JADE1: variants seen among roughly 807,000 people sequenced by gnomAD.
JADE1 encodes the protein protein Jade-1.
Under a neutral mutation model 81.8 loss-of-function variants are expected in JADE1, and 14 were observed. That is an observed-to-expected ratio of 0.17 (90% CI 0.11 to 0.27). The LOEUF (loss-of-function observed/expected upper bound fraction) is 0.27, where lower values mean the gene tolerates loss of function less well. JADE1 is among the 10% of genes least tolerant of loss of function. JADE1 has a pLI of 1.00. For missense variants in JADE1, 690 were observed against 1,047.9 expected (o/e 0.66, Z 4.71); for synonymous variants, 353 against 391.9 (o/e 0.90, Z 1.17).
chr4:128,810,285 T>G (rs1726224127), intron 1 of JADE1: 1 of 151,472 alleles, frequency 6.6e-6, no homozygotes, highest in African/African-American at 2.4e-5. Context: ...TGATCTATGT[T>G]GGATCAGTAA....
At chr4:128,821,285 A>C (rs966810934) in intron 1 of JADE1, among the ~76,000 whole-genome samples, 38 of 152,180 alleles carry the variant, frequency 2.5e-4, no homozygotes, top group African/African-American at 8.9e-4. Flanking sequence ...AATGGGCTTT[A>C]TCTCTCTTGG....
At chr4:128,843,288 A>G (rs1051199280) in intron 3 of JADE1, among the ~76,000 whole-genome samples, 5 of 152,240 alleles carry the variant, frequency 3.3e-5, no homozygotes, top group Admixed American at 3.3e-4. Flanking sequence ...AGTGCTCAGT[A>G]AATGTTAGTT....
chr4:128,855,120 A>T (rs1730681574), intron 6 of JADE1, among the ~76,000 whole-genome samples: 1 of 152,064 alleles, frequency 6.6e-6, no homozygotes, highest in South Asian at 2.1e-4. Flanking sequence ...TTCCATTGCC[A>T]TCTCATTCAG....
intron 9 of JADE1, 46 bp downstream of exon 9, chr4:128,862,271 G>A (rs533674357): frequency 3.7e-6 from 6 of 1,610,830 alleles, no homozygotes; most frequent in African/African-American, 1.3e-5. Flanking sequence ...AGAAGAAGAT[G>A]CAAAGAGGCG....
intron 1 of JADE1, among the ~76,000 whole-genome samples, chr4:128,810,538 T>C (rs998020166): frequency 6.7e-6 from 1 of 148,476 alleles, no homozygotes; most frequent in Non-Finnish European, 1.5e-5. Flanking sequence ...GGTAGACAGA[T>C]GGCAATGGCA....
At chr4:128,839,742 T>C (rs1429336411) in intron 2 of JADE1, among the ~76,000 whole-genome samples, 1 of 152,206 alleles carries the variant, frequency 6.6e-6, no homozygotes, top group East Asian at 1.9e-4. Flanking sequence ...CTCATTCCTT[T>C]TTATTGCTGG....
In JADE1 at chr4:128,849,011, A is replaced by T. The variant is rs1176668175; in HGVS notation, c.328A>T (p.Ile110Phe). The T allele has an allele frequency of 6.2e-7, 1 of 1,613,862 alleles. No homozygotes were observed. Among genetic ancestry groups the T allele is most frequent in the Non-Finnish European group, 8.5e-7 (1 of 1,179,992 alleles). The change falls in exon 5 of 11, where the codon ATC (isoleucine) becomes TTC (phenylalanine). Residue 110 changes from isoleucine (I) to phenylalanine (F), a missense_variant. Ile to Phe is a conservative substitution (Grantham distance 21). This residue lies in a region of JADE1 where 98 missense variants were observed against 161.3 expected (regional missense o/e 0.61). Coordinates refer to ENST00000226319, the MANE Select transcript of JADE1 (RefSeq NM_199320.4). ...VVSEEKSLMF[I>F]RPKKYIVSSG... is the part of the protein sequence containing the mutation. ...GTCTGAAGAGAAATCCCTCATGTTCATCAGGCCCAAGAAGTACATCGTGTC... is the reference window on the plus strand; with the variant it reads ...GTCTGAAGAGAAATCCCTCATGTTCTTCAGGCCCAAGAAGTACATCGTGTC...
In JADE1 at chr4:128,822,622, A is replaced by G. The variant is rs113270727; in HGVS notation, c.-26-9111A>G. 4.7e-3 allele frequency among the ~76,000 whole-genome samples: 710 copies of G among 151,716 alleles called. 4 individuals carry two copies. Among genetic ancestry groups the G allele is most frequent in the African/African-American group, 0.016 (648 of 41,374 alleles). ...TAATCCCAGCTACTAGGGAGGCTGA[A>G]GCAGGAGAATCGCTTGAACCTGGGA... On this transcript the variant is annotated intron_variant, in intron 1 of 10. Transcript: ENST00000226319.
chr4:128,869,850 T>C (rs923259451), intron 10 of JADE1, among the ~76,000 whole-genome samples: 6 of 152,234 alleles, frequency 3.9e-5, no homozygotes, highest in African/African-American at 1.4e-4. Flanking sequence ...GGGTGCTTTT[T>C]TTCTTTTTCC....
chr4:128,851,428 G>A (rs1232561714), intron 5 of JADE1, among the ~76,000 whole-genome samples: 1 of 152,072 alleles, frequency 6.6e-6, no homozygotes. Flanking sequence ...CGTGTTAGTT[G>A]TTATGTGTAA....
chr4:128,828,559 TC>T (rs1156788787), intron 1 of JADE1, among the ~76,000 whole-genome samples: 1 of 150,522 alleles, frequency 6.6e-6, no homozygotes, highest in Non-Finnish European at 1.5e-5. Flanking sequence ...CCCTCATTAC[TC>T]AAGATCTTCA....
chr4:128,831,909 C>G, intron 2 of JADE1, 99 bp downstream of exon 2: 1 of 1,076,452 alleles, frequency 9.3e-7, no homozygotes, highest in Non-Finnish European at 1.4e-6. Flanking sequence ...AGGCCCTTTG[C>G]ATGTCAGGCA....
chr4:128,872,252 T>A lies in JADE1; in HGVS notation c.2519T>A (p.Leu840Ter). Residue 840 changes from leucine (L) to a stop codon, truncating the protein, a stop_gained, in exon 11 of 11, where the codon TTG (leucine) becomes TAG (stop). Coordinates refer to ENST00000226319, the MANE Select transcript of JADE1 (RefSeq NM_199320.4). LOFTEE classifies it high-confidence loss of function. ...RRTDIIRRSI[L>*]AS ...ACAGACATTATCAGGAGAAGCATCTTGGCTTCTTGATGCAACAGAGATGAT... is the reference window on the plus strand; with the variant it reads ...ACAGACATTATCAGGAGAAGCATCTAGGCTTCTTGATGCAACAGAGATGAT... The A allele has an allele frequency of 6.2e-7, 1 of 1,613,176 alleles. No homozygotes were observed. The highest frequency in any genetic ancestry group is 1.7e-4 in the Middle Eastern group (1 of 6,054).
In JADE1 at chr4:128,871,559, A is replaced by G; in HGVS notation, c.1826A>G (p.Lys609Arg). The G allele has an allele frequency of 1.2e-6, 2 of 1,614,176 alleles. No individual in the cohort carries two copies. Among genetic ancestry groups the G allele is most frequent in the South Asian group, 2.2e-5 (2 of 91,090 alleles). ...CAGAATAGCCCTGGAAGTGAAGGCA[A>G]AACCCTGCTGAAGCAGCCAGACCTG... is the stretch of plus-strand genomic sequence containing the variant. ...PLQNSPGSEG[K>R]TLLKQPDLCG... The change falls in exon 11 of 11, where the codon AAA becomes AGA. Residue 609 changes from lysine to arginine, a missense_variant. Lys to Arg is a conservative substitution (Grantham distance 26). Around this residue, in one of 8 missense-constraint regions of JADE1, gnomAD observed 5 missense variants for 22.7 expected, o/e 0.22. Coordinates refer to ENST00000226319, the MANE Select transcript of JADE1 (RefSeq NM_199320.4). The surrounding 1 kb of genome is among the most constrained non-coding windows in gnomAD (Gnocchi z 4.1).
intron 8 of JADE1, 130 bp downstream of exon 8, chr4:128,857,584 C>T (rs1437321334): frequency 4.3e-6 from 3 of 705,630 alleles, no homozygotes; most frequent in East Asian, 5.0e-5. Flanking sequence ...ACGAGGTTCC[C>T]AAGGGGTGAC....
intron 1 of JADE1, among the ~76,000 whole-genome samples, chr4:128,813,146 A>G (rs1431168671): frequency 6.6e-6 from 1 of 152,238 alleles, no homozygotes; most frequent in Admixed American, 6.5e-5. Flanking sequence ...TACAGATTTT[A>G]TAGTAAGTTG....
At chr4:128,852,522 C>T (rs1201306489) in intron 6 of JADE1, among the ~76,000 whole-genome samples, 1 of 152,182 alleles carries the variant, frequency 6.6e-6, no homozygotes, top group Non-Finnish European at 1.5e-5. Flanking sequence ...TTATTCTTAT[C>T]CATAAAAGTC....
chr4:128,812,283 G>T (rs1240966695), intron 1 of JADE1, among the ~76,000 whole-genome samples: 1 of 151,742 alleles, frequency 6.6e-6, no homozygotes, highest in Non-Finnish European at 1.5e-5. Flanking sequence ...CCGCGCTGTT[G>T]TTTCTGTCGC....
At chr4:128,854,467 T>C (rs753482496) in intron 6 of JADE1, among the ~76,000 whole-genome samples, 1 of 152,240 alleles carries the variant, frequency 6.6e-6, no homozygotes, top group Non-Finnish European at 1.5e-5. Flanking sequence ...ATAGTGTCAC[T>C]TAACTCCATT....
Sources: allele counts gnomAD v4.1 joint callset (sites outside exome capture counted in the v4.1 genomes callset), GRCh38; gene constraint gnomAD v4.1.1; regional missense constraint gnomAD v4.1.1; non-coding constraint Gnocchi (gnomAD v3.1); transcripts MANE v1.5; gene names NCBI Gene and HGNC (gene_info 2026-07-23, HGNC 2026-07-21).